ARMC9: variants seen among roughly 807,000 people sequenced by gnomAD.
ARMC9 encodes lisH domain-containing protein ARMC9.
ARMC9 carries 94 observed loss-of-function variants against 107.0 expected under a neutral mutation model. The observed-to-expected ratio is 0.88, with a 90% confidence interval of 0.74 to 1.04. ARMC9 has a LOEUF of 1.04. ARMC9 is among the 50% of genes least tolerant of loss of function. ARMC9 has a pLI of 0.00. For missense variants in ARMC9, 942 were observed against 1,030.1 expected (o/e 0.91, Z 1.17); for synonymous variants, 380 against 396.9 (o/e 0.96, Z 0.51).
chr2:231,340,907 CAAAA>C (rs1006873204), intron 20 of ARMC9, among the ~76,000 whole-genome samples: 41 of 151,858 alleles, frequency 2.7e-4, no homozygotes, highest in African/African-American at 9.7e-4. Flanking sequence ...AACAAACAAA[CAAAA>C]AACAAGTGTA....
intron 19 of ARMC9, among the ~76,000 whole-genome samples, chr2:231,326,994 A>G (rs7573225): frequency 0.022 from 3,382 of 152,054 alleles, 126 homozygotes; most frequent in African/African-American, 0.076. Flanking sequence ...GCACCCTTAG[A>G]CCACTCCAGC....
At chr2:231,342,282 T>C (rs1189168042) in intron 20 of ARMC9, among the ~76,000 whole-genome samples, 1 of 152,234 alleles carries the variant, frequency 6.6e-6, no homozygotes, top group Non-Finnish European at 1.5e-5. Context: ...CCAGACGCAG[T>C]TTCCCCATCC....
At chr2:231,328,877 C>A (rs4973383) in intron 19 of ARMC9, among the ~76,000 whole-genome samples, 43,377 of 142,072 alleles carry the variant, frequency 0.31, 6,802 homozygotes, top group Middle Eastern at 0.36. Context: ...TGCAATGGGA[C>A]AATCTCGGCT....
chr2:231,236,228 T>C (rs2035701751), intron 8 of ARMC9, among the ~76,000 whole-genome samples: 1 of 152,248 alleles, frequency 6.6e-6, no homozygotes, highest in African/African-American at 2.4e-5. Context: ...CCAGCTACCT[T>C]TCTGAATCCC....
intron 9 of ARMC9, among the ~76,000 whole-genome samples, chr2:231,251,566 C>T (rs117487322): frequency 2.6e-5 from 4 of 152,254 alleles, no homozygotes; most frequent in East Asian, 1.9e-4. Flanking sequence ...GGGAGTTATT[C>T]GGTCATTTAT....
At chr2:231,249,422 C>T (rs1335485890) in intron 9 of ARMC9, among the ~76,000 whole-genome samples, 1 of 152,086 alleles carries the variant, frequency 6.6e-6, no homozygotes, top group African/African-American at 2.4e-5. Context: ...CTTACACCTC[C>T]TGCTGGTTTG....
chr2:231,341,132 C>T (rs1305400172), intron 20 of ARMC9, among the ~76,000 whole-genome samples: 2 of 152,144 alleles, frequency 1.3e-5, no homozygotes, highest in African/African-American at 4.8e-5. Context: ...TTCAAGGCTT[C>T]AGTGAGCTAT....
chr2:231,237,747 CTATATGTATATATATA>C (rs2035854521), intron 8 of ARMC9, among the ~76,000 whole-genome samples: 1 of 49,378 alleles, frequency 2.0e-5, no homozygotes, highest in Non-Finnish European at 3.4e-5. Context: ...TTGTTCTTGG[CTATATGTATATATATA>C]TATATATATA....
chr2:231,334,470 T>TC (rs915846823), intron 20 of ARMC9, among the ~76,000 whole-genome samples: 1 of 152,174 alleles, frequency 6.6e-6, no homozygotes, highest in Admixed American at 6.5e-5. Context: ...GGACACTTGT[T>TC]CCCCCGGGTG....
chr2:231,318,607 C>T (rs538186727), intron 19 of ARMC9, among the ~76,000 whole-genome samples: 20 of 152,290 alleles, frequency 1.3e-4, no homozygotes, highest in Non-Finnish European at 1.8e-4. Flanking sequence ...TCACTGCCTA[C>T]GATGGGAACG....
intron 7 of ARMC9, among the ~76,000 whole-genome samples, chr2:231,228,988 C>T (rs1432784735): frequency 1.3e-5 from 2 of 152,034 alleles, no homozygotes; most frequent in Admixed American, 1.3e-4. Flanking sequence ...AAGGGGAATG[C>T]AAATAAAAGA....
chr2:231,269,419 T>TTG, intron 12 of ARMC9, among the ~76,000 whole-genome samples: 1 of 148,958 alleles, frequency 6.7e-6, no homozygotes, highest in African/African-American at 2.5e-5. Flanking sequence ...TTTTTTTTTT[T>TTG]GAGACAGTCT....
At chr2:231,308,740 A>G (rs1315539770) in intron 19 of ARMC9, among the ~76,000 whole-genome samples, 1 of 152,218 alleles carries the variant, frequency 6.6e-6, no homozygotes, top group Non-Finnish European at 1.5e-5. Context: ...TTCCATACGC[A>G]GAGACATACT....
chr2:231,202,510 T>C (rs1001756692), intron 1 of ARMC9, among the ~76,000 whole-genome samples: 1 of 151,800 alleles, frequency 6.6e-6, no homozygotes, highest in African/African-American at 2.4e-5. Flanking sequence ...TCTGTAGAGA[T>C]GAGGTTTCAC....
chr2:231,327,215 T>C (rs1425695704), intron 19 of ARMC9, among the ~76,000 whole-genome samples: 1 of 152,180 alleles, frequency 6.6e-6, no homozygotes, highest in East Asian at 1.9e-4. Context: ...GGCGTTCGAG[T>C]ATACAGAGCC....
intron 7 of ARMC9, among the ~76,000 whole-genome samples, chr2:231,227,873 ACC>A (rs2034799268): frequency 6.6e-6 from 1 of 152,114 alleles, no homozygotes; most frequent in South Asian, 2.1e-4. Flanking sequence ...AGCCATGCTG[ACC>A]CTTCTGTCGC....
intron 20 of ARMC9, among the ~76,000 whole-genome samples, chr2:231,342,007 G>C (rs1347695055): frequency 6.6e-6 from 1 of 152,182 alleles, no homozygotes. Context: ...CATTTCTGCA[G>C]AACTCAGTAT....
Position 231,371,755 on chromosome 2 carries a change from G to A in ARMC9, c.*220G>A, listed in dbSNP as rs1283743828. The A allele has an allele frequency of 5.1e-5, 21 of 413,858 alleles. No individual in the cohort carries two copies. The East Asian group carries it at 7.5e-4, about 15-fold the overall frequency. 25.6% of individuals were successfully genotyped at this position (413,858 alleles called of 1,614,324 possible). On this transcript the variant is annotated 3_prime_UTR_variant, in exon 25 of 25. Transcript: ENST00000611582. ...GGCAGAGCCACCAAGGAGGGCTGGG[G>A]AGAGCCTGGCATTGCCCTCCTGGAG...
intron 7 of ARMC9, among the ~76,000 whole-genome samples, chr2:231,234,182 T>C (rs962639372): frequency 6.6e-6 from 1 of 152,324 alleles, no homozygotes; most frequent in East Asian, 1.9e-4. Context: ...GGGGCACTGT[T>C]ACCTCCTTTC....
Sources: allele counts gnomAD v4.1 joint callset (sites outside exome capture counted in the v4.1 genomes callset), GRCh38; gene constraint gnomAD v4.1.1; transcripts MANE v1.5; gene names NCBI Gene and HGNC (gene_info 2026-07-23, HGNC 2026-07-21).